Variants in RPL4 observed in about 807,000 individuals in gnomAD.
The protein encoded by RPL4 is large ribosomal subunit protein uL4.
A neutral mutation model predicts 47.7 loss-of-function variants in RPL4; 3 were observed. The observed-to-expected ratio is 0.06, with a 90% CI of 0.03 to 0.16. The LOEUF is 0.16. Among genes scored for constraint, RPL4 ranks in the 10% least tolerant of loss-of-function variants. The pLI is 1.00. For synonymous variants in RPL4, 208 were observed against 182.1 expected, an observed-to-expected ratio of 1.14 and a Z score of -1.15; for missense variants, 413 against 551.3, an observed-to-expected ratio of 0.75 and a Z score of 2.51.
Position 66,501,377 on chromosome 15 carries a change from G to C in RPL4, c.674C>G (p.Pro225Arg). The C allele has an allele frequency of 6.2e-7, 1 of 1,614,136 alleles. No individual in the cohort carries two copies. Among genetic ancestry groups the C allele is most frequent in the Non-Finnish European group, 8.5e-7 (1 of 1,180,022 alleles). ...ATATATGTAAGCAGTTTAATTACCAGGGATGTTTCTGAAGGCCTTGATGAT... is the reference window on the plus strand; with the variant it reads ...ATATATGTAAGCAGTTTAATTACCACGGATGTTTCTGAAGGCCTTGATGAT... ...NGIIKAFRNIPGITLLNVSKL... is the reference protein window; with the variant it reads ...NGIIKAFRNIRGITLLNVSKL... The change falls in exon 6 of 10, where the codon CCT (proline) becomes CGT (arginine). Residue 225 changes from proline (P) to arginine (R), a missense_variant and splice_region_variant. By Grantham distance (103) the Pro-to-Arg change is moderately radical (BLOSUM62 -2). This residue lies in a region of RPL4 where 214 missense variants were observed against 304.2 expected (regional missense o/e 0.70). Transcript: ENST00000307961.
In RPL4 at chr15:66,501,033, C is replaced by G. The variant is rs1893600812; in HGVS notation, c.749G>C (p.Cys250Ser). Residue 250 changes from cysteine (C) to serine (S), a missense_variant, in exon 7 of 10, where the codon TGC (cysteine) becomes TCC (serine). By Grantham distance (112) the Cys-to-Ser change is moderately radical (BLOSUM62 -1). Coordinates refer to ENST00000307961, the MANE Select transcript of RPL4 (RefSeq NM_000968.4). ...LAPGGHVGRF[C>S]IWTESAFRKL... ...CCGGAAAGCACTTTCAGTCCAAATG[C>G]AGAAACGTCCCACATGCCCACCAGG... 1.9e-6 allele frequency: 3 copies of G among 1,613,986 alleles called. No homozygotes were observed. Among genetic ancestry groups the G allele is most frequent in the Non-Finnish European group, 2.5e-6 (3 of 1,179,950 alleles).
At position 66,502,077 on chromosome 15, in the gene RPL4, A is replaced by T. The variant is rs568787636; in HGVS notation, c.422-165T>A. On this transcript the variant is annotated intron_variant, in intron 4 of 9. Transcript: ENST00000307961. ...CAGAAACACGGACCAATTAAGTGGA[A>T]TCTCATCATTTTGACAGTTAAATAA... The T allele has an allele frequency of 3.2e-6, 3 of 930,382 alleles. No individual in the cohort carries two copies. The South Asian group carries it at 4.0e-5, about 12-fold the overall frequency. 57.6% of individuals were successfully genotyped at this position (930,382 alleles called of 1,614,324 possible).
At chr15:66,500,009 C>A in intron 9 of RPL4, 47 bp downstream of exon 9, 1 of 1,606,400 alleles carries the variant, frequency 6.2e-7, no homozygotes, top group African/African-American at 1.3e-5. Context: ...GGTGACAGAG[C>A]GAGATTCCGA....
chr15:66,502,010 T>C (rs749062242), intron 4 of RPL4, 98 bp from the exon 5 acceptor site: 2 of 1,482,710 alleles, frequency 1.3e-6, no homozygotes, highest in Non-Finnish European at 1.9e-6. Context: ...CAAAATGGTA[T>C]TCCGTTTGCC....
At chr15:66,499,693 TG>T (rs1567033801) in intron 9 of RPL4, 41 bp from the exon 10 acceptor site, 1 of 1,608,902 alleles carries the variant, frequency 6.2e-7, no homozygotes, top group Non-Finnish European at 8.5e-7. Flanking sequence ...ATCAAATCCC[TG>T]TAAGAACTTA....
rs146895952 is a variant in RPL4 at position 66,500,069 on chromosome 15, C to A, written c.1025G>T (p.Arg342Leu). 3 of 1,611,550 alleles carry A rather than the reference C, an allele frequency of 1.9e-6. No individual in the cohort carries two copies. The highest frequency in any genetic ancestry group is 4.5e-5 in the East Asian group (2 of 44,886). Residue 342 changes from arginine to leucine, a missense_variant, in exon 9 of 10, where the codon CGC becomes CTC. This residue lies in a region of RPL4 where 134 missense variants were observed against 122.7 expected (regional missense o/e 1.09). Transcript: ENST00000307961. ...AACTCCACTCACATTCCTGGCCTGG[C>A]GAAGAATGGTGTTCCGGCGCATGGT... Reference protein sequence around the residue: ...AKTMRRNTILRQARNHKLRVD... With the variant: ...AKTMRRNTILLQARNHKLRVD...
chr15:66,503,593 C>A, intron 1 of RPL4, 64 bp from the exon 2 acceptor site: 1 of 1,484,716 alleles, frequency 6.7e-7, no homozygotes, highest in Non-Finnish European at 9.1e-7. Flanking sequence ...TCTTCTCATA[C>A]GCCAACAATA....
intron 1 of RPL4, among the ~76,000 whole-genome samples, chr15:66,504,053 C>T (rs1372242023): frequency 6.6e-6 from 1 of 152,214 alleles, no homozygotes; most frequent in East Asian, 1.9e-4. Context: ...CCCATACACT[C>T]TTCCAGATAT....
chr15:66,504,475 G>C (rs1408362787), intron 1 of RPL4, among the ~76,000 whole-genome samples: 2 of 152,164 alleles, frequency 1.3e-5, no homozygotes, highest in African/African-American at 2.4e-5. Context: ...TGATTCCCAA[G>C]CTAGGCAGAG....
rs76680479 is a variant in RPL4 at position 66,503,653 on chromosome 15, C to T, written c.4-124G>A. 3,861 of 943,656 alleles carry T rather than the reference C, an allele frequency of 4.1e-3. 95 individuals are homozygous for T. In the African/African-American group the frequency reaches 0.057, roughly 14 times the overall value. The allele number at this position is 943,656 out of a possible 1,614,324, so 58.5% of individuals were successfully genotyped here. ...AGACTGGTATGGTGAGGCAAACAAC[C>T]CTTAAACCAAAATAGCAGTAAATGA... On this transcript the variant is annotated intron_variant, in intron 1 of 9. Coordinates refer to ENST00000307961, the MANE Select transcript of RPL4 (RefSeq NM_000968.4).
intron 7 of RPL4, chr15:66,500,694 A>C: frequency 1.8e-6 from 1 of 551,132 alleles, no homozygotes. Flanking sequence ...AGACAGGAGA[A>C]CTGCTTGAAC....
intron 1 of RPL4, 131 bp from the exon 2 acceptor site, chr15:66,503,660 C>G (rs768521313): frequency 1.6e-5 from 13 of 837,132 alleles, no homozygotes; most frequent in Non-Finnish European, 2.4e-5. Context: ...AACCCTTAAA[C>G]CAAAATAGCA....
intron 1 of RPL4, 57 bp from the exon 2 acceptor site, chr15:66,503,586 T>C: frequency 6.6e-7 from 1 of 1,510,558 alleles, no homozygotes; most frequent in Non-Finnish European, 8.9e-7. Context: ...AGCAAACTCT[T>C]CTCATACGCC....
intron 2 of RPL4, 72 bp from the exon 3 acceptor site, chr15:66,503,236 A>C (rs1355825203): frequency 6.3e-7 from 1 of 1,577,198 alleles, no homozygotes; most frequent in Non-Finnish European, 8.7e-7. Flanking sequence ...TATGCATGGT[A>C]GCAAACAGCA....
chr15:66,501,765 G>C, intron 5 of RPL4, 23 bp downstream of exon 5: 2 of 1,606,800 alleles, frequency 1.2e-6, no homozygotes, highest in South Asian at 1.1e-5. Flanking sequence ...GTACCAAACT[G>C]TAAATGTGCT....
At chr15:66,504,070 G>A (rs1893691437) in intron 1 of RPL4, among the ~76,000 whole-genome samples, 1 of 152,048 alleles carries the variant, frequency 6.6e-6, no homozygotes, top group African/African-American at 2.4e-5. Flanking sequence ...ATATTTTTCG[G>A]TCTCAGGACC....
intron 5 of RPL4, 112 bp from the exon 6 acceptor site, chr15:66,501,616 G>A: frequency 6.5e-7 from 1 of 1,526,828 alleles, no homozygotes; most frequent in Non-Finnish European, 8.9e-7. Context: ...AACTTGCCAA[G>A]GTTACACAGA....
In RPL4 at chr15:66,503,370, T is replaced by C. The variant is rs1893666112; in HGVS notation, c.163A>G (p.Ser55Gly). ...RKNNRQPYAV[S>G]ELAGHQTSAE... ...TATAAATCCATACCTGCTAATTCACTGACAGCATAGGGCTGTCTGTTGTTT... is the reference window on the plus strand; with the variant it reads ...TATAAATCCATACCTGCTAATTCACCGACAGCATAGGGCTGTCTGTTGTTT... Residue 55 changes from serine (S) to glycine (G), a missense_variant, in exon 2 of 10, where the codon AGT (serine) becomes GGT (glycine). Coordinates refer to ENST00000307961, the MANE Select transcript of RPL4 (RefSeq NM_000968.4). 1.2e-6 allele frequency: 2 copies of C among 1,610,080 alleles called. No individual in the cohort carries two copies. The highest frequency in any genetic ancestry group is 1.3e-5 in the African/African-American group (1 of 74,904).
rs769682672 is a variant in RPL4 at position 66,500,391 on chromosome 15, A to G, written c.834-15T>C. 1.2e-6 allele frequency: 2 copies of G among 1,607,734 alleles called. No homozygotes were observed. The highest frequency in any genetic ancestry group is 1.7e-5 in the Admixed American group (1 of 59,872). ...GCATGGGAAGACTGAAAGGGAAAAG[A>G]TTGACATGTACATGTAAAAGTAATC... On this transcript the variant is annotated splice_polypyrimidine_tract_variant and intron_variant, in intron 7 of 9. Transcript: ENST00000307961.
Sources: gnomAD v4.1 joint callset for allele counts (sites outside exome capture counted in the v4.1 genomes callset) on GRCh38, gnomAD v4.1.1 for gene constraint, gnomAD v4.1.1 regional missense constraint, MANE v1.5 for transcripts, NCBI Gene and HGNC (gene_info 2026-07-23, HGNC 2026-07-21) for gene names.